SYCP1: variants seen among roughly 807,000 people sequenced by gnomAD.
SYCP1 encodes synaptonemal complex protein 1, also known as cancer/testis antigen 8.
A neutral mutation model predicts 153.1 loss-of-function variants in SYCP1; 64 were observed. The observed-to-expected ratio is 0.42, with a 90% CI of 0.34 to 0.51. The LOEUF is 0.51. SYCP1 is among the 20% of genes least tolerant of loss of function. The probability of loss-of-function intolerance (pLI) is 0.06; values close to 1 mark genes in which losing one functional copy is unlikely to be tolerated. For synonymous variants in SYCP1, 384 were observed against 341.8 expected, an observed-to-expected ratio of 1.12 and a Z score of -1.36; for missense variants, 997 against 1,049.0, an observed-to-expected ratio of 0.95 and a Z score of 0.68.
chr1:114,928,699 A>G lies in SYCP1; in HGVS notation c.1926+2136A>G, dbSNP rs569968300. 3.3e-5 allele frequency among the ~76,000 whole-genome samples: 5 copies of G among 152,232 alleles called. No individual in the cohort carries two copies. The South Asian group carries it at 6.2e-4, about 19-fold the overall frequency. On this transcript the variant is annotated intron_variant, in intron 23 of 31. Coordinates refer to ENST00000369522, the MANE Select transcript of SYCP1 (RefSeq NM_003176.4). ...GTGTGACTACCATAACACAAAGGAC[A>G]GGGGAGTAAATATAACTATTTTGTT...
chr1:114,991,701 T>G (rs1375844120), intron 30 of SYCP1, among the ~76,000 whole-genome samples: 2 of 151,734 alleles, frequency 1.3e-5, no homozygotes, highest in African/African-American at 4.8e-5. Context: ...AACATCATAC[T>G]CAATGGTGAA....
chr1:114,863,930 C>T (rs1049970680), intron 8 of SYCP1, among the ~76,000 whole-genome samples: 7 of 142,714 alleles, frequency 4.9e-5, no homozygotes, highest in Non-Finnish European at 9.0e-5. Flanking sequence ...AATGCGAACA[C>T]ATGGACACAG....
chr1:114,911,750 A>G (rs975747627), intron 18 of SYCP1, among the ~76,000 whole-genome samples, 168 bp downstream of exon 18: 4 of 152,062 alleles, frequency 2.6e-5, no homozygotes, highest in African/African-American at 7.2e-5. Flanking sequence ...TAAAGAAAGT[A>G]CATATCACTG....
chr1:114,936,394 A>G (rs1168408541), intron 23 of SYCP1, among the ~76,000 whole-genome samples: 3 of 152,154 alleles, frequency 2.0e-5, no homozygotes, highest in Non-Finnish European at 4.4e-5. Context: ...GTATTGATGG[A>G]ACATATCTCA....
chr1:114,979,218 C>G (rs887745071), intron 28 of SYCP1, among the ~76,000 whole-genome samples: 2 of 150,068 alleles, frequency 1.3e-5, no homozygotes, highest in Non-Finnish European at 3.0e-5. Flanking sequence ...TGAGTTTGGA[C>G]AAGTTACTTA....
At chr1:114,952,424 C>T (rs1671168095) in intron 27 of SYCP1, among the ~76,000 whole-genome samples, 1 of 152,242 alleles carries the variant, frequency 6.6e-6, no homozygotes, top group Middle Eastern at 3.4e-3. Context: ...TTAGTCTATT[C>T]TCATGCTGCC....
Position 114,911,951 on chromosome 1 carries a change from C to G in SYCP1, c.1529+369C>G, listed in dbSNP as rs143685916. On this transcript the variant is annotated intron_variant, in intron 18 of 31. Transcript: ENST00000369522. ...AATAAAAAATTATTTCTTACATTAT[C>G]CAAATAAAATATTGAATTGGATGAT... Among the ~76,000 whole-genome samples, 268 of 151,894 alleles carry G rather than the reference C, an allele frequency of 1.8e-3. 2 individuals are homozygous for G. Among genetic ancestry groups the G allele is most frequent in the African/African-American group, 6.2e-3 (259 of 41,488 alleles).
At chr1:114,883,283 A>T (rs1430510587) in intron 12 of SYCP1, among the ~76,000 whole-genome samples, 1 of 152,116 alleles carries the variant, frequency 6.6e-6, no homozygotes, top group South Asian at 2.1e-4. Flanking sequence ...TGATTTACTG[A>T]TATCTTCCTT....
intron 25 of SYCP1, among the ~76,000 whole-genome samples, chr1:114,945,671 T>G (rs1368986658): frequency 1.3e-5 from 2 of 152,180 alleles, no homozygotes; most frequent in African/African-American, 4.8e-5. Flanking sequence ...CACCTTTGGC[T>G]AGCAGGAGCC....
chr1:114,889,144 T>G (rs1238115667), intron 15 of SYCP1, among the ~76,000 whole-genome samples: 1 of 152,180 alleles, frequency 6.6e-6, no homozygotes, highest in Non-Finnish European at 1.5e-5. Flanking sequence ...TTTGCTATTG[T>G]GAATAGTGCT....
intron 8 of SYCP1, among the ~76,000 whole-genome samples, chr1:114,863,464 A>C (rs1664513762): frequency 1.3e-5 from 2 of 152,244 alleles, no homozygotes; most frequent in African/African-American, 4.8e-5. Context: ...GAGGCAGGGG[A>C]ATCGCTTGAA....
At position 114,981,502 on chromosome 1, in the gene SYCP1, C is replaced by T. The variant is rs774165827; in HGVS notation, c.2549C>T (p.Pro850Leu). 2 of 1,586,552 alleles carry T rather than the reference C, an allele frequency of 1.3e-6. No homozygotes were observed. The highest frequency in any genetic ancestry group is 8.5e-7 in the Non-Finnish European group (1 of 1,172,438). ...TCTGCCAAAAATACTTTATCTACAC[C>T]ATTGCCAAAGGTTTGTGTCTAAATT... ...WTSAKNTLST[P>L]LPKAYTVKTP... The change falls in exon 29 of 32, where the codon CCA becomes CTA. Residue 850 changes from proline to leucine, a missense_variant. Coordinates refer to ENST00000369522, the MANE Select transcript of SYCP1 (RefSeq NM_003176.4).
intron 23 of SYCP1, among the ~76,000 whole-genome samples, chr1:114,928,786 G>A (rs1440729768): frequency 6.6e-6 from 1 of 152,142 alleles, no homozygotes; most frequent in East Asian, 1.9e-4. Context: ...AGTTTGGTAA[G>A]TTAGTGATAC....
At chr1:114,932,781 C>T (rs12079938) in intron 23 of SYCP1, among the ~76,000 whole-genome samples, 2,340 of 152,340 alleles carry the variant, frequency 0.015, 55 homozygotes, top group African/African-American at 0.053. Flanking sequence ...GAGGGTCCCA[C>T]GCCCAAGGAG....
chr1:114,961,976 C>CTT lies in SYCP1; in HGVS notation c.2322+14674_2322+14675dup, dbSNP rs562251009. Among the ~76,000 whole-genome samples the CTT allele has an allele frequency of 1.2e-3, 150 of 124,400 alleles. 2 individuals are homozygous for CTT. In the East Asian group the frequency reaches 0.019, roughly 15 times the overall value. The allele number at this position is 124,400 out of a possible 152,430, so 81.6% of individuals were successfully genotyped here. On this transcript the variant is annotated intron_variant, in intron 27 of 31. Transcript: ENST00000369522. ...CACTATTATTTGTGTTGCCATCTAT[C>CTT]TTTTTTTTTTTTTTTTTTTGAGATG... is the stretch of plus-strand genomic sequence containing the variant.
intron 27 of SYCP1, among the ~76,000 whole-genome samples, chr1:114,954,547 T>TTTTA (rs4045000): frequency 0.12 from 18,478 of 148,322 alleles, 1,675 homozygotes; most frequent in African/African-American, 0.25. Context: ...TCAGTATGCT[T>TTTTA]TTTATTTATT....
At chr1:114,961,107 C>G (rs1671757047) in intron 27 of SYCP1, among the ~76,000 whole-genome samples, 1 of 152,120 alleles carries the variant, frequency 6.6e-6, no homozygotes, top group Admixed American at 6.6e-5. Flanking sequence ...AGGAATTTAT[C>G]CATCTCTTCT....
At chr1:114,901,000 A>C (rs1667408046) in intron 16 of SYCP1, among the ~76,000 whole-genome samples, 1 of 152,222 alleles carries the variant, frequency 6.6e-6, no homozygotes, top group Admixed American at 6.5e-5. Context: ...CACAGCTTTT[A>C]TCTTCCCTTT....
At chr1:114,905,009 C>T (rs574087450) in intron 16 of SYCP1, among the ~76,000 whole-genome samples, 2 of 152,086 alleles carry the variant, frequency 1.3e-5, no homozygotes, top group African/African-American at 4.8e-5. Flanking sequence ...ATTGAATGAA[C>T]CTTGCATTTC....
Sources: gnomAD v4.1 joint callset for allele counts (sites outside exome capture counted in the v4.1 genomes callset) on GRCh38, gnomAD v4.1.1 for gene constraint, MANE v1.5 for transcripts, NCBI Gene and HGNC (gene_info 2026-07-23, HGNC 2026-07-21) for gene names.